Variants in TNN observed in about 807,000 individuals in gnomAD.
TNN encodes tenascin N, also known as tenascin-N.
A neutral mutation model predicts 134.4 loss-of-function variants in TNN; 122 were observed. The observed-to-expected ratio is 0.91, with a 90% CI of 0.78 to 1.06. The LOEUF (loss-of-function observed/expected upper bound fraction) is 1.06. TNN is among the 50% of genes least tolerant of loss of function. TNN has a pLI of 0.00. For missense variants in TNN, 1,739 were observed against 1,699.4 expected (o/e 1.02, Z -0.41); for synonymous variants, 710 against 670.3 (o/e 1.06, Z -0.91).
In TNN at chr1:175,080,436, C is replaced by A; in HGVS notation, c.1048+10C>A. ...CTACTTGCCACCACAGGTGAGGAAGCCACCTGATGCCCCAGGGTTCCCAGG... is the reference window on the plus strand; with the variant it reads ...CTACTTGCCACCACAGGTGAGGAAGACACCTGATGCCCCAGGGTTCCCAGG... On this transcript the variant is annotated intron_variant, in intron 4 of 18. Transcript: ENST00000239462. 1 of 1,613,090 alleles carries A rather than the reference C, an allele frequency of 6.2e-7. No homozygotes were observed. The highest frequency in any genetic ancestry group is 8.5e-7 in the Non-Finnish European group (1 of 1,179,184).
intron 9 of TNN, among the ~76,000 whole-genome samples, chr1:175,100,308 A>C (rs1194562136): frequency 6.6e-6 from 1 of 152,192 alleles, no homozygotes; most frequent in East Asian, 1.9e-4. Context: ...GACAACCAAA[A>C]GTGTCTCCAG....
intron 12 of TNN, among the ~76,000 whole-genome samples, chr1:175,125,743 TTCTTTCTTTCTTTCTCTCTC>T (rs1675504334): frequency 7.5e-6 from 1 of 132,988 alleles, no homozygotes; most frequent in South Asian, 2.4e-4. Context: ...CTTTCTTTCT[TTCTTTCTTTCTTTCTCTCTC>T]TCTCCCTCCC....
intron 17 of TNN, 124 bp from the exon 18 acceptor site, chr1:175,144,263 C>G: frequency 1.1e-6 from 1 of 878,696 alleles, no homozygotes; most frequent in Non-Finnish European, 1.8e-6. Context: ...CGGTGACTAC[C>G]TGTGACATGA....
chr1:175,100,946 T>C (rs747035821), intron 9 of TNN, among the ~76,000 whole-genome samples: 7 of 152,248 alleles, frequency 4.6e-5, no homozygotes, highest in Non-Finnish European at 8.8e-5. Flanking sequence ...CAATGTGTGA[T>C]GATCAAATCA....
At chr1:175,074,085 C>G (rs1417764566) in intron 1 of TNN, among the ~76,000 whole-genome samples, 1 of 152,170 alleles carries the variant, frequency 6.6e-6, no homozygotes, top group Non-Finnish European at 1.5e-5. Context: ...CTGTGAATTC[C>G]TCCGGGCCAG....
In TNN at chr1:175,082,159, C is replaced by G. The variant is rs191806963; in HGVS notation, c.1049-1591C>G. Among the ~76,000 whole-genome samples the G allele has an allele frequency of 3.6e-3, 543 of 152,252 alleles. 3 individuals carry two copies. Among genetic ancestry groups the G allele is most frequent in the African/African-American group, 0.012 (518 of 41,538 alleles). ...GCAGAGTCTGCTTTTCTCTTTTTCC[C>G]CATTTTGTCTGTGGCTGCCTCTGGT... On this transcript the variant is annotated intron_variant, in intron 4 of 18. Coordinates refer to ENST00000239462, the MANE Select transcript of TNN (RefSeq NM_022093.2).
At chr1:175,082,982 T>TG (rs977830229) in intron 4 of TNN, among the ~76,000 whole-genome samples, 3 of 145,178 alleles carry the variant, frequency 2.1e-5, no homozygotes, top group African/African-American at 7.5e-5. Context: ...TGTAACTTCA[T>TG]GTTTTTTTTT....
At chr1:175,099,087 C>T (rs1674651126) in intron 9 of TNN, among the ~76,000 whole-genome samples, 1 of 152,146 alleles carries the variant, frequency 6.6e-6, no homozygotes, top group Non-Finnish European at 1.5e-5. Context: ...CATTTTTAGT[C>T]CCCCAGATGT....
chr1:175,107,326 C>T (rs908979345), intron 9 of TNN, among the ~76,000 whole-genome samples: 2 of 143,250 alleles, frequency 1.4e-5, no homozygotes, highest in African/African-American at 2.5e-5. Context: ...CTTAAGGTGG[C>T]GCATCTGGAG....
At chr1:175,072,960 G>A (rs1224752469) in intron 1 of TNN, among the ~76,000 whole-genome samples, 1 of 78,996 alleles carries the variant, frequency 1.3e-5, no homozygotes, top group Non-Finnish European at 2.2e-5. Flanking sequence ...TGCTTTCGTT[G>A]AGAACTTCTT....
chr1:175,079,011 A>G (rs1674122172), intron 2 of TNN, among the ~76,000 whole-genome samples: 2 of 152,098 alleles, frequency 1.3e-5, no homozygotes, highest in Non-Finnish European at 1.5e-5. Flanking sequence ...ACCACCAGGT[A>G]GAGAGGAAGG....
At chr1:175,107,289 C>A (rs1674884793) in intron 9 of TNN, among the ~76,000 whole-genome samples, 1 of 145,072 alleles carries the variant, frequency 6.9e-6, no homozygotes, top group Non-Finnish European at 1.5e-5. Context: ...AGTGAAGCTG[C>A]AGACCTTCGT....
rs1675826588 is a variant in TNN at position 175,136,917 on chromosome 1, A to G, written c.3524A>G (p.Tyr1175Cys). The G allele has an allele frequency of 6.2e-7, 1 of 1,614,234 alleles. No individual in the cohort carries two copies. Among genetic ancestry groups the G allele is most frequent in the Non-Finnish European group, 8.5e-7 (1 of 1,180,040 alleles). Residue 1175 changes from tyrosine to cysteine, a missense_variant, in exon 17 of 19, where the codon TAT (tyrosine) becomes TGT (cysteine). By Grantham distance (194) the Tyr-to-Cys change is radical (BLOSUM62 -2). Transcript: ENST00000239462. Reference sequence around the variant, plus strand: ...GCCAATGAATCTGCCTATGCTATATATGATTTCTTCCAAGTGGCCTCCAGC... The same window carrying G: ...GCCAATGAATCTGCCTATGCTATATGTGATTTCTTCCAAGTGGCCTCCAGC... ...QTANESAYAIYDFFQVASSKE... is the reference protein window; with the variant it reads ...QTANESAYAICDFFQVASSKE...
intron 17 of TNN, among the ~76,000 whole-genome samples, chr1:175,140,317 A>G (rs745463475): frequency 2.0e-4 from 30 of 152,214 alleles, no homozygotes; most frequent in Admixed American, 1.7e-3. Context: ...AAAGAAGTCT[A>G]CATAAGCTCC....
intron 9 of TNN, among the ~76,000 whole-genome samples, chr1:175,100,334 C>G (rs1674689541): frequency 6.6e-6 from 1 of 152,326 alleles, no homozygotes; most frequent in East Asian, 1.9e-4. Context: ...GCTGACTGCC[C>G]CTGGTTGAGA....
chr1:175,126,195 G>A (rs968842909), intron 12 of TNN, among the ~76,000 whole-genome samples: 4 of 148,922 alleles, frequency 2.7e-5, no homozygotes, highest in African/African-American at 7.5e-5. Flanking sequence ...TCCGCCTCCC[G>A]AGTTCAAGCA....
At chr1:175,138,916 AT>A (rs1675882902) in intron 17 of TNN, among the ~76,000 whole-genome samples, 2 of 152,214 alleles carry the variant, frequency 1.3e-5, no homozygotes, top group Admixed American at 6.5e-5. Context: ...GTTACTAAAT[AT>A]TGTAGGCAAT....
chr1:175,111,681 T>A (rs1675029901), intron 9 of TNN, among the ~76,000 whole-genome samples: 1 of 152,140 alleles, frequency 6.6e-6, no homozygotes. Flanking sequence ...ATCAGTGTTT[T>A]ATGGTTTTTC....
At chr1:175,077,318 T>TAAAA in intron 1 of TNN, 66 bp from the exon 2 acceptor site, 3 of 1,237,662 alleles carry the variant, frequency 2.4e-6, no homozygotes, top group African/African-American at 1.5e-5. Flanking sequence ...TAGAATCTGG[T>TAAAA]AAAAAAAAAG....
Sources: gnomAD v4.1 joint callset for allele counts (sites outside exome capture counted in the v4.1 genomes callset) on GRCh38, gnomAD v4.1.1 for gene constraint, MANE v1.5 for transcripts, NCBI Gene and HGNC (gene_info 2026-07-23, HGNC 2026-07-21) for gene names.